The following INPP4B variants were observed in gnomAD, a reference collection of about 807,000 sequenced individuals.
The protein encoded by INPP4B is inositol polyphosphate-4-phosphatase type II B.
Under a neutral mutation model 122.5 loss-of-function variants are expected in INPP4B, and 55 were observed. The observed-to-expected ratio is 0.45, with a 90% CI of 0.36 to 0.56. The LOEUF (loss-of-function observed/expected upper bound fraction) is 0.56, where lower values mean the gene tolerates loss of function less well. Ranked by LOEUF, INPP4B falls within the 20% of genes least tolerant of loss-of-function variation. The probability of loss-of-function intolerance (pLI) is 0.00; values close to 1 mark genes in which losing one functional copy is unlikely to be tolerated. For synonymous variants in INPP4B, 403 were observed against 388.7 expected (o/e 1.04, Z -0.43); for missense variants, 1,000 against 1,097.7 (o/e 0.91, Z 1.26).
chr4:142,185,323 G>A (rs1832653925), intron 15 of INPP4B, among the ~76,000 whole-genome samples: 1 of 151,584 alleles, frequency 6.6e-6, no homozygotes. Context: ...CAATCTTGAG[G>A]TGTATGGAAG....
intron 7 of INPP4B, among the ~76,000 whole-genome samples, chr4:142,364,019 A>AGCG (rs79022594): frequency 6.6e-6 from 1 of 151,488 alleles, no homozygotes; most frequent in Admixed American, 6.6e-5. Flanking sequence ...AAGATGGGAG[A>AGCG]GTGAGGGTGG....
chr4:142,133,768 G>T (rs336407), intron 18 of INPP4B, among the ~76,000 whole-genome samples: 84,574 of 152,002 alleles, frequency 0.56, 27,916 homozygotes, highest in South Asian at 0.75. Flanking sequence ...CTTCAAGGCT[G>T]CTGTAATAGC....
intron 7 of INPP4B, among the ~76,000 whole-genome samples, chr4:142,366,654 ACTGAACAAAGATTTTCTTACAG>A (rs1787606599): frequency 6.6e-6 from 1 of 152,154 alleles, no homozygotes; most frequent in Non-Finnish European, 1.5e-5. Flanking sequence ...TTTGAGTTCA[ACTGAACAAAGATTTTCTTACAG>A]CATCTTACAG....
At chr4:142,744,770 A>G (rs1417653327) in intron 1 of INPP4B, among the ~76,000 whole-genome samples, 2 of 151,888 alleles carry the variant, frequency 1.3e-5, no homozygotes, top group Non-Finnish European at 2.9e-5. Context: ...AATGTTAAAT[A>G]AAAAAGGGAA....
intron 7 of INPP4B, among the ~76,000 whole-genome samples, chr4:142,338,596 A>G (rs966613365): frequency 2.0e-5 from 3 of 152,198 alleles, no homozygotes; most frequent in African/African-American, 7.2e-5. Flanking sequence ...ACATAAGCCC[A>G]ACTAATGGGT....
intron 3 of INPP4B, among the ~76,000 whole-genome samples, chr4:142,444,039 C>T (rs1812394629): frequency 6.6e-6 from 1 of 152,104 alleles, no homozygotes; most frequent in African/African-American, 2.4e-5. Flanking sequence ...GGAGAAGTTG[C>T]ATGACCAGAT....
At chr4:142,409,424 C>T (rs1034534910) in intron 5 of INPP4B, among the ~76,000 whole-genome samples, 4 of 151,964 alleles carry the variant, frequency 2.6e-5, no homozygotes, top group Non-Finnish European at 4.4e-5. Flanking sequence ...ACCCGGGAAG[C>T]GGAGGTTGCA....
At chr4:142,242,794 C>A (rs538974801) in intron 11 of INPP4B, among the ~76,000 whole-genome samples, 11 of 152,180 alleles carry the variant, frequency 7.2e-5, no homozygotes, top group Non-Finnish European at 1.3e-4. Flanking sequence ...TACATCACAT[C>A]CCCGTCTCTA....
chr4:142,670,100 A>G (rs1343503717), intron 2 of INPP4B, among the ~76,000 whole-genome samples: 1 of 152,184 alleles, frequency 6.6e-6, no homozygotes, highest in Non-Finnish European at 1.5e-5. Context: ...AACGGTGTAT[A>G]TGCTACTTGC....
intron 2 of INPP4B, among the ~76,000 whole-genome samples, chr4:142,467,408 G>A (rs577673424): frequency 6.6e-6 from 1 of 152,330 alleles, no homozygotes; most frequent in Non-Finnish European, 1.5e-5. Context: ...TGATAGCCTT[G>A]CTGGGTTTCT....
At chr4:142,780,638 A>G (rs1308678751) in intron 1 of INPP4B, among the ~76,000 whole-genome samples, 2 of 152,034 alleles carry the variant, frequency 1.3e-5, no homozygotes, top group African/African-American at 4.8e-5. Flanking sequence ...TCTCTACTAA[A>G]TATACAAAAA....
chr4:142,790,046 G>T (rs1292381371), intron 1 of INPP4B, among the ~76,000 whole-genome samples: 1 of 151,972 alleles, frequency 6.6e-6, no homozygotes, highest in African/African-American at 2.4e-5. Context: ...GAATGAAACT[G>T]GATCCTCATC....
At chr4:142,530,895 T>C (rs1009903544) in intron 2 of INPP4B, among the ~76,000 whole-genome samples, 3 of 151,848 alleles carry the variant, frequency 2.0e-5, no homozygotes, top group African/African-American at 4.8e-5. Context: ...AGGTCAGAGA[T>C]TGAGCTATCA....
chr4:142,392,741 T>G (rs1003051130), intron 7 of INPP4B, among the ~76,000 whole-genome samples: 2 of 152,200 alleles, frequency 1.3e-5, no homozygotes, highest in Non-Finnish European at 2.9e-5. Context: ...CCTGTCAAAG[T>G]TATGCTAAAT....
chr4:142,648,130 T>A (rs1184545942), intron 2 of INPP4B, among the ~76,000 whole-genome samples: 2 of 152,260 alleles, frequency 1.3e-5, no homozygotes, highest in Non-Finnish European at 2.9e-5. Flanking sequence ...TTTCCCTAAG[T>A]AACATTTGCC....
At chr4:142,821,865 A>C (rs753057140) in intron 1 of INPP4B, among the ~76,000 whole-genome samples, 2 of 152,168 alleles carry the variant, frequency 1.3e-5, no homozygotes, top group Non-Finnish European at 2.9e-5. Context: ...ACATCAAAGA[A>C]GAAGTGAGGG....
At chr4:142,094,393 A>C (rs766538761) in intron 23 of INPP4B, among the ~76,000 whole-genome samples, 9 of 152,152 alleles carry the variant, frequency 5.9e-5, no homozygotes, top group Non-Finnish European at 1.0e-4. Flanking sequence ...TCATCCCTGC[A>C]TTTTACCCCA....
rs13435003 is a variant in INPP4B, at chr4:142,246,703, C to T, written c.689-8692G>A. 9.4e-3 allele frequency among the ~76,000 whole-genome samples: 1,426 copies of T among 152,216 alleles called. 13 individuals are homozygous for T. The highest frequency in any genetic ancestry group is 0.013 in the Non-Finnish European group (876 of 68,014). On this transcript the variant is annotated intron_variant, in intron 11 of 25. Coordinates refer to ENST00000262992, the MANE Select transcript of INPP4B (RefSeq NM_001101669.3). ...AGCTTAAGGAGATTTGGGGCTAAGT[C>T]GATGGGGTTTTCTAAATATAGAATC...
At chr4:142,494,675 T>C (rs976108791) in intron 2 of INPP4B, among the ~76,000 whole-genome samples, 8 of 152,206 alleles carry the variant, frequency 5.3e-5, no homozygotes, top group Non-Finnish European at 1.0e-4. Context: ...GTTATTATCT[T>C]TGGACAATAA....
Sources: allele counts gnomAD v4.1 joint callset (sites outside exome capture counted in the v4.1 genomes callset), GRCh38; gene constraint gnomAD v4.1.1; transcripts MANE v1.5; gene names NCBI Gene and HGNC (gene_info 2026-07-23, HGNC 2026-07-21).